NCOR1: variants seen among roughly 807,000 people sequenced by gnomAD.
The protein encoded by NCOR1 is nuclear receptor corepressor 1, also known as protein phosphatase 1, regulatory subunit 109.
NCOR1 carries 63 observed loss-of-function variants against 288.1 expected under a neutral mutation model. The observed-to-expected ratio is 0.22, with a 90% CI of 0.18 to 0.27. The LOEUF (loss-of-function observed/expected upper bound fraction) is 0.27, where lower values mean the gene tolerates loss of function less well. Among genes scored for constraint, NCOR1 ranks in the 10% least tolerant of loss-of-function variants. The probability of loss-of-function intolerance (pLI) is 1.00; values close to 1 mark genes in which losing one functional copy is unlikely to be tolerated. For missense variants in NCOR1, 2,397 were observed against 3,019.2 expected, an observed-to-expected ratio of 0.79 and a Z score of 4.83; for synonymous variants, 1,007 against 1,065.9, an observed-to-expected ratio of 0.94 and a Z score of 1.08.
At chr17:16,099,463 C>T (rs969757696) in intron 20 of NCOR1, among the ~76,000 whole-genome samples, 8 of 152,106 alleles carry the variant, frequency 5.3e-5, no homozygotes, top group South Asian at 2.1e-4. Flanking sequence ...AGTGTTATTT[C>T]GGTCATTTGG....
chr17:16,139,258 T>A (rs564936653), intron 11 of NCOR1, 72 bp from the exon 12 acceptor site: 141 of 1,290,344 alleles, frequency 1.1e-4, no homozygotes, highest in Non-Finnish European at 1.5e-4. Context: ...GGACCAATGC[T>A]CTTAATGTGC....
chr17:16,119,373 C>A, intron 17 of NCOR1, 50 bp downstream of exon 17: 2 of 1,361,614 alleles, frequency 1.5e-6, no homozygotes, highest in South Asian at 1.2e-5. Context: ...TTACTAATAA[C>A]CCTAAAAAAC....
At chr17:16,078,737 G>A (rs1215267241) in intron 26 of NCOR1, among the ~76,000 whole-genome samples, 17 of 152,156 alleles carry the variant, frequency 1.1e-4, no homozygotes, top group Non-Finnish European at 1.6e-4. Context: ...CACTATGCCC[G>A]CCTAATTTTT....
At chr17:16,043,680 C>T (rs952169511) in intron 42 of NCOR1, among the ~76,000 whole-genome samples, 5 of 152,200 alleles carry the variant, frequency 3.3e-5, no homozygotes, top group African/African-American at 1.2e-4. Flanking sequence ...GAGCAGACCA[C>T]ACAAAGGTGA....
In NCOR1 at chr17:16,031,582, A is replaced by C. The variant is rs1278233395; in HGVS notation, c.*714T>G. The C allele has an allele frequency of 4.5e-6, 1 of 221,646 alleles. No homozygotes were observed. The highest frequency in any genetic ancestry group is 9.0e-6 in the Non-Finnish European group (1 of 111,024). 13.7% of individuals were successfully genotyped at this position (221,646 alleles called of 1,614,324 possible). On this transcript the variant is annotated 3_prime_UTR_variant, in exon 46 of 46. Coordinates refer to ENST00000268712, the MANE Select transcript of NCOR1 (RefSeq NM_006311.4). The stretch of plus-strand genomic sequence containing the variant: ...AACTAGAACATACCCATGCAGTAAT[A>C]TTTTTTCAGTGCTACTAATGAAAAA...
intron 42 of NCOR1, among the ~76,000 whole-genome samples, chr17:16,041,499 T>C (rs956106284): frequency 4.1e-5 from 6 of 145,172 alleles, no homozygotes; most frequent in Non-Finnish European, 9.0e-5. Context: ...CTGCAACCTC[T>C]GCCTCCTGGG....
chr17:16,167,761 G>A (rs1373776960), intron 4 of NCOR1, among the ~76,000 whole-genome samples: 8 of 150,768 alleles, frequency 5.3e-5, no homozygotes, highest in Non-Finnish European at 1.0e-4. Flanking sequence ...TTGGGAGGCT[G>A]AGGCAGGAGA....
At chr17:16,115,828 G>C (rs1356581875) in intron 18 of NCOR1, among the ~76,000 whole-genome samples, 1 of 152,104 alleles carries the variant, frequency 6.6e-6, no homozygotes, top group Non-Finnish European at 1.5e-5. Flanking sequence ...CCTCCAAACT[G>C]TTGCAACCTC....
chr17:16,150,548 T>G (rs927799386), intron 8 of NCOR1, among the ~76,000 whole-genome samples: 5 of 152,116 alleles, frequency 3.3e-5, no homozygotes, highest in African/African-American at 1.2e-4. Flanking sequence ...TCCTAGGAAT[T>G]TAAATGAAGT....
At chr17:16,092,720 A>G (rs2065628623) in intron 21 of NCOR1, among the ~76,000 whole-genome samples, 1 of 72,340 alleles carries the variant, frequency 1.4e-5, no homozygotes, top group African/African-American at 5.7e-5. Flanking sequence ...TTTTTTTAAG[A>G]CATAGTCTCA....
At chr17:16,103,464 C>T (rs977816522) in intron 19 of NCOR1, among the ~76,000 whole-genome samples, 2 of 152,240 alleles carry the variant, frequency 1.3e-5, no homozygotes, top group Non-Finnish European at 2.9e-5. Context: ...CATAACTTTT[C>T]AGTGGACCCC....
chr17:16,169,387 G>A (rs1178136304), intron 4 of NCOR1, among the ~76,000 whole-genome samples: 1 of 152,144 alleles, frequency 6.6e-6, no homozygotes, highest in Non-Finnish European at 1.5e-5. Flanking sequence ...GTAAACTGTA[G>A]GTAATTTTTT....
At chr17:16,148,675 A>C (rs1240298351) in intron 9 of NCOR1, among the ~76,000 whole-genome samples, 1 of 147,006 alleles carries the variant, frequency 6.8e-6, no homozygotes, top group Admixed American at 6.8e-5. Flanking sequence ...AAAAAAAAAA[A>C]AAAAAAAAAA....
intron 3 of NCOR1, among the ~76,000 whole-genome samples, chr17:16,179,870 C>T (rs1246139635): frequency 2.0e-5 from 3 of 148,372 alleles, no homozygotes; most frequent in Admixed American, 6.8e-5. Context: ...AAAAATTAGC[C>T]GGGCGTGAAG....
intron 42 of NCOR1, among the ~76,000 whole-genome samples, chr17:16,043,684 A>C (rs1166965017): frequency 6.6e-6 from 1 of 152,180 alleles, no homozygotes; most frequent in Non-Finnish European, 1.5e-5. Flanking sequence ...AGACCACACA[A>C]AGGTGAAATG....
At chr17:16,040,162 C>G (rs866052473) in intron 43 of NCOR1, 12 of 556,030 alleles carry the variant, frequency 2.2e-5, no homozygotes, top group African/African-American at 2.0e-4. Context: ...ACCCACACTT[C>G]TATTAAAGTT....
Position 16,164,524 on chromosome 17 carries a change from C to T in NCOR1, c.618+455G>A, listed in dbSNP as rs796078750. Among the ~76,000 whole-genome samples, 6 of 152,054 alleles carry T rather than the reference C, an allele frequency of 3.9e-5. No homozygotes were observed. The East Asian group carries it at 5.8e-4, about 15-fold the overall frequency. On this transcript the variant is annotated intron_variant, in intron 5 of 45. Coordinates refer to ENST00000268712, the MANE Select transcript of NCOR1 (RefSeq NM_006311.4). ...ACTATTTCATATCCAACTGAAAAAA[C>T]GATATCAAGCAAAGGCAAAAATGTG...
intron 18 of NCOR1, among the ~76,000 whole-genome samples, chr17:16,113,898 A>T (rs1194894392): frequency 6.6e-6 from 1 of 152,140 alleles, no homozygotes; most frequent in African/African-American, 2.4e-5. Flanking sequence ...ATCTCAAAAA[A>T]AAAGAAAAAA....
intron 3 of NCOR1, among the ~76,000 whole-genome samples, chr17:16,179,124 C>A (rs774235645): frequency 5.3e-5 from 8 of 151,986 alleles, no homozygotes; most frequent in Non-Finnish European, 8.8e-5. Context: ...TATTATATTT[C>A]AAATCTTTGA....
Sources: allele counts gnomAD v4.1 joint callset (sites outside exome capture counted in the v4.1 genomes callset), GRCh38; gene constraint gnomAD v4.1.1; transcripts MANE v1.5; gene names NCBI Gene and HGNC (gene_info 2026-07-23, HGNC 2026-07-21).